Variants in ZXDC observed in about 807,000 individuals in gnomAD.
ZXDC encodes ZXD family zinc finger C.
Under a neutral mutation model 63.6 loss-of-function variants are expected in ZXDC, and 58 were observed. The ratio of observed to expected loss-of-function variants is 0.91; its 90% CI spans 0.74 to 1.13. The LOEUF (loss-of-function observed/expected upper bound fraction) is 1.13. ZXDC is among the 50% of genes most tolerant of loss of function. The pLI, the probability that ZXDC is intolerant of heterozygous loss-of-function variation, is 0.00. For missense variants in ZXDC, 1,133 were observed against 1,148.9 expected, an observed-to-expected ratio of 0.99 and a Z score of 0.20; for synonymous variants, 561 against 496.1, an observed-to-expected ratio of 1.13 and a Z score of -1.74.
intron 5 of ZXDC, among the ~76,000 whole-genome samples, chr3:126,463,924 TA>T (rs1934653938): frequency 6.6e-6 from 1 of 152,202 alleles, no homozygotes; most frequent in Non-Finnish European, 1.5e-5. Context: ...CTTTAAAGAT[TA>T]AAAAAAGTAT....
chr3:126,471,083 T>C (rs985506515), intron 3 of ZXDC, 58 bp from the exon 4 acceptor site: 5 of 1,572,540 alleles, frequency 3.2e-6, no homozygotes, highest in Middle Eastern at 1.7e-4. Context: ...CATAATTCTT[T>C]AAAATTCTAC....
At position 126,461,524 on chromosome 3, in the gene ZXDC, G is replaced by GT. The variant is rs773867813; in HGVS notation, c.2127+10dup. 6.3e-7 allele frequency: 1 copy of GT among 1,599,052 alleles called. No homozygotes were observed. The highest frequency in any genetic ancestry group is 8.5e-7 in the Non-Finnish European group (1 of 1,170,118). Reference sequence around the variant, plus strand: ...ACCTATATGGTGGTGACTGAATAGAGTGCTTCATACCAAATAGAAGTTGCC... The same window carrying GT: ...ACCTATATGGTGGTGACTGAATAGAGTTGCTTCATACCAAATAGAAGTTGCC... On this transcript the variant is annotated intron_variant, in intron 6 of 9. Coordinates refer to ENST00000389709, the MANE Select transcript of ZXDC (RefSeq NM_025112.5).
chr3:126,459,460 T>C, intron 7 of ZXDC, 193 bp downstream of exon 7: 1 of 985,488 alleles, frequency 1.0e-6, no homozygotes, highest in Non-Finnish European at 1.2e-6. Flanking sequence ...AATATGTTCA[T>C]ACTGATGCTG....
chr3:126,444,261 A>G lies in ZXDC; in HGVS notation c.2213-2315T>C, dbSNP rs147956419. ...TATATTAGAAATATTGGCCGGGCGC[A>G]GTGGCTCACGCCTGTAATCCCAGCG... On this transcript the variant is annotated intron_variant, in intron 7 of 9. Coordinates refer to ENST00000389709, the MANE Select transcript of ZXDC (RefSeq NM_025112.5). Among the ~76,000 whole-genome samples, 786 of 152,342 alleles carry G rather than the reference A, an allele frequency of 5.2e-3. 5 individuals are homozygous for G. The highest frequency in any genetic ancestry group is 0.017 in the African/African-American group (705 of 41,576).
In ZXDC at chr3:126,475,350, C is replaced by A. The variant is rs989031533; in HGVS notation, c.516G>T (p.Thr172=). The change falls in exon 1 of 10, where the codon ACG becomes ACT. Residue 172 remains threonine (T), a synonymous_variant. Coordinates refer to ENST00000389709, the MANE Select transcript of ZXDC (RefSeq NM_025112.5). ...GCGGCTCGGGGCAGCGGTAGCCGGG[C>A]GTGCTGGGGCCGGAGGCCTGGGGCG... ...RRAPQASGPS[T]PGYRCPEPQC... is the part of the protein sequence containing the mutation. The A allele has an allele frequency of 2.3e-5, 35 of 1,506,196 alleles. No homozygotes were observed. Among genetic ancestry groups the A allele is most frequent in the Admixed American group, 1.1e-4 (5 of 46,688 alleles). 93.3% of individuals were successfully genotyped at this position (1,506,196 alleles called of 1,614,324 possible).
At chr3:126,448,755 G>A (rs758816200) in intron 7 of ZXDC, among the ~76,000 whole-genome samples, 9 of 152,258 alleles carry the variant, frequency 5.9e-5, no homozygotes, top group Non-Finnish European at 1.2e-4. Context: ...ACAGCCATGA[G>A]GGTAGACGGC....
At chr3:126,442,727 G>A (rs934963933) in intron 7 of ZXDC, 1 of 152,208 alleles carries the variant, frequency 6.6e-6, no homozygotes, top group Non-Finnish European at 1.5e-5. Context: ...ACTGGCGAGT[G>A]CCAAGGAGTT....
intron 7 of ZXDC, chr3:126,457,138 G>T: frequency 2.2e-6 from 1 of 453,872 alleles, no homozygotes; most frequent in Non-Finnish European, 2.9e-6. Context: ...CTGGAACAGG[G>T]AAGGGCACTG....
intron 7 of ZXDC, chr3:126,457,452 C>T: frequency 2.0e-6 from 2 of 985,428 alleles, no homozygotes; most frequent in South Asian, 9.4e-5. Flanking sequence ...AGGGGCTTTT[C>T]AAGGATGTGG....
rs1935152117 is a variant in ZXDC at position 126,475,326 on chromosome 3, C to A, written c.540G>T (p.Pro180=). 3.2e-6 allele frequency: 5 copies of A among 1,542,218 alleles called. No homozygotes were observed. The highest frequency in any genetic ancestry group is 4.4e-6 in the Non-Finnish European group (5 of 1,142,494). Residue 180 remains proline (P), a synonymous_variant, in exon 1 of 10, where the codon CCG becomes CCT. Transcript: ENST00000389709. ...PSTPGYRCPE[P]QCALAFAKKH... ...TCTTGGCGAAGGCCAGCGCGCACTG[C>A]GGCTCGGGGCAGCGGTAGCCGGGCG...
intron 7 of ZXDC, among the ~76,000 whole-genome samples, chr3:126,447,078 A>G (rs1455703612): frequency 6.6e-6 from 1 of 152,232 alleles, no homozygotes; most frequent in Non-Finnish European, 1.5e-5. Flanking sequence ...CCTCCAGGGC[A>G]TCTGGCAGGC....
At chr3:126,455,736 G>A (rs961058188) in intron 7 of ZXDC, among the ~76,000 whole-genome samples, 1 of 152,096 alleles carries the variant, frequency 6.6e-6, no homozygotes, top group African/African-American at 2.4e-5. Flanking sequence ...GGTGGCTCAC[G>A]CCTGTAATCC....
intron 7 of ZXDC, chr3:126,459,185 G>C (rs1934424063): frequency 1.0e-6 from 1 of 985,254 alleles, no homozygotes; most frequent in Admixed American, 6.2e-5. Context: ...CAAGTAAGTT[G>C]CTAACATTTT....
Position 126,475,818 on chromosome 3 carries a change from T to C in ZXDC, c.48A>G (p.Gln16=), listed in dbSNP as rs988138192. The C allele has an allele frequency of 4.6e-6, 5 of 1,083,460 alleles. No individual in the cohort carries two copies. The African/African-American group carries it at 8.5e-5, about 18-fold the overall frequency. 67.1% of individuals were successfully genotyped at this position (1,083,460 alleles called of 1,614,324 possible). A position where few individuals can be genotyped will look rare whatever the true frequency, so the allele number is the denominator to read the frequency against. The change falls in exon 1 of 10, where the codon CAA becomes CAG. Residue 16 remains glutamine (Q), a synonymous_variant. Coordinates refer to ENST00000389709, the MANE Select transcript of ZXDC (RefSeq NM_025112.5). Reference sequence around the variant, plus strand: ...GGAGCGGGCCGGGGCCGCCGCCATGTTGCCCTCCGCGCGCAGTCGGGGCGG... The same window carrying C: ...GGAGCGGGCCGGGGCCGCCGCCATGCTGCCCTCCGCGCGCAGTCGGGGCGG... ...LLPAPTARGG[Q]HGGGPGPLRR...
intron 7 of ZXDC, among the ~76,000 whole-genome samples, chr3:126,456,963 A>G (rs999886955): frequency 6.6e-6 from 1 of 152,122 alleles, no homozygotes; most frequent in African/African-American, 2.4e-5. Context: ...GTCTCCAGCA[A>G]CCCAGCCCGG....
intron 7 of ZXDC, chr3:126,442,715 T>G (rs1420368534): frequency 6.6e-6 from 1 of 152,214 alleles, no homozygotes; most frequent in Admixed American, 6.5e-5. Context: ...CTTAGAACAG[T>G]GACTGGCGAG....
intron 7 of ZXDC, among the ~76,000 whole-genome samples, chr3:126,449,959 G>A (rs1934034518): frequency 6.6e-6 from 1 of 152,226 alleles, no homozygotes; most frequent in Admixed American, 6.5e-5. Context: ...ATGCAGGTGC[G>A]GGAAACTCGG....
intron 4 of ZXDC, among the ~76,000 whole-genome samples, chr3:126,468,001 A>C (rs1263179184): frequency 6.6e-6 from 1 of 152,216 alleles, no homozygotes; most frequent in Non-Finnish European, 1.5e-5. Context: ...GACAACCAGG[A>C]ATGTAATCAT....
Position 126,449,862 on chromosome 3 carries a change from A to G in ZXDC, c.2213-7916T>C, listed in dbSNP as rs376503204. The stretch of plus-strand genomic sequence containing the variant: ...GGCTGTGTGCTCCATGCAGGAAAGC[A>G]GAGTAAGAAACAAGAAAGGCGTCAA... On this transcript the variant is annotated intron_variant, in intron 7 of 9. Coordinates refer to ENST00000389709, the MANE Select transcript of ZXDC (RefSeq NM_025112.5). 1.2e-4 allele frequency among the ~76,000 whole-genome samples: 18 copies of G among 152,352 alleles called. 1 individual carries two copies. The South Asian group carries it at 3.3e-3, about 28-fold the overall frequency.
Sources: allele counts gnomAD v4.1 joint callset (sites outside exome capture counted in the v4.1 genomes callset), GRCh38; gene constraint gnomAD v4.1.1; transcripts MANE v1.5; gene names NCBI Gene and HGNC (gene_info 2026-07-23, HGNC 2026-07-21).